PDE4B: variants seen among roughly 807,000 people sequenced by gnomAD.
PDE4B encodes the protein 3',5'-cyclic-AMP phosphodiesterase 4B.
Under a neutral mutation model 82.2 loss-of-function variants are expected in PDE4B, and 20 were observed. The ratio of observed to expected loss-of-function variants is 0.24; its 90% confidence interval spans 0.17 to 0.35. PDE4B has a LOEUF of 0.35. Among genes scored for constraint, PDE4B ranks in the 10% least tolerant of loss-of-function variants. The probability of loss-of-function intolerance (pLI) is 1.00; values close to 1 mark genes in which losing one functional copy is unlikely to be tolerated. For synonymous variants in PDE4B, 320 were observed against 318.9 expected, an observed-to-expected ratio of 1.00 and a Z score of -0.04; for missense variants, 655 against 907.2, an observed-to-expected ratio of 0.72 and a Z score of 3.57.
intron 3 of PDE4B, among the ~76,000 whole-genome samples, chr1:66,052,231 A>C (rs1411890966): frequency 6.6e-6 from 1 of 152,206 alleles, no homozygotes; most frequent in African/African-American, 2.4e-5. Flanking sequence ...ATGTCCGTAA[A>C]GTTTTACTTT....
chr1:66,361,274 T>A (rs1662746228), intron 9 of PDE4B, among the ~76,000 whole-genome samples: 1 of 152,196 alleles, frequency 6.6e-6, no homozygotes, highest in South Asian at 2.1e-4. Context: ...TGTATAAGTG[T>A]GTACTCCTTA....
chr1:66,082,453 C>T (rs1359902367), intron 3 of PDE4B, among the ~76,000 whole-genome samples: 1 of 152,014 alleles, frequency 6.6e-6, no homozygotes. Context: ...TTCCAAGGCC[C>T]ATTCCCATTT....
intron 7 of PDE4B, among the ~76,000 whole-genome samples, chr1:66,329,470 G>A (rs1304671474): frequency 6.6e-6 from 1 of 152,186 alleles, no homozygotes; most frequent in Non-Finnish European, 1.5e-5. Flanking sequence ...TCAACAAGGG[G>A]CCCTGCACTT....
chr1:66,054,708 T>C (rs1273079880), intron 3 of PDE4B, among the ~76,000 whole-genome samples: 1 of 152,222 alleles, frequency 6.6e-6, no homozygotes, highest in Non-Finnish European at 1.5e-5. Context: ...AATGATATCT[T>C]TCTCATGTGT....
intron 1 of PDE4B, among the ~76,000 whole-genome samples, chr1:65,802,835 T>A (rs556477002): frequency 6.6e-6 from 1 of 152,214 alleles, no homozygotes; most frequent in South Asian, 2.1e-4. Flanking sequence ...GTGATAGTAT[T>A]GCTATTAAGG....
chr1:65,877,354 G>A (rs1056364164), intron 1 of PDE4B, among the ~76,000 whole-genome samples: 4 of 152,216 alleles, frequency 2.6e-5, no homozygotes, highest in African/African-American at 4.8e-5. Flanking sequence ...AGTGGCTCAC[G>A]CCTGTAATCC....
At chr1:66,027,189 A>G (rs1248115965) in intron 3 of PDE4B, among the ~76,000 whole-genome samples, 2 of 152,210 alleles carry the variant, frequency 1.3e-5, no homozygotes, top group Admixed American at 6.5e-5. Context: ...GACTTACCAC[A>G]TGGCTGCAGA....
At chr1:65,941,000 C>CT (rs5774777) in intron 3 of PDE4B, among the ~76,000 whole-genome samples, 33,793 of 151,664 alleles carry the variant, frequency 0.22, 4,293 homozygotes, top group East Asian at 0.4. Flanking sequence ...TGATATTTTG[C>CT]TTTTTTTTGC....
chr1:66,283,930 C>T (rs181420320), intron 7 of PDE4B, among the ~76,000 whole-genome samples: 1 of 152,258 alleles, frequency 6.6e-6, no homozygotes, highest in Admixed American at 6.5e-5. Flanking sequence ...TTCTCATTGA[C>T]TCATTCATTC....
chr1:65,818,802 G>T (rs1258499625), intron 1 of PDE4B, among the ~76,000 whole-genome samples: 1 of 151,884 alleles, frequency 6.6e-6, no homozygotes, highest in African/African-American at 2.4e-5. Flanking sequence ...GAAGCTTAGA[G>T]ATATTATATT....
chr1:66,367,142 A>C (rs565750300), intron 13 of PDE4B, among the ~76,000 whole-genome samples: 292 of 152,330 alleles, frequency 1.9e-3, no homozygotes, highest in Non-Finnish European at 2.6e-3. Flanking sequence ...AATTGTTCCC[A>C]AAAAGTAGTA....
chr1:66,099,158 C>T (rs1250923242), intron 3 of PDE4B, among the ~76,000 whole-genome samples: 2 of 151,044 alleles, frequency 1.3e-5, no homozygotes, highest in African/African-American at 4.8e-5. Context: ...GTTGTTCCCC[C>T]GCCCCCGTGT....
chr1:66,164,755 C>CTTTTTTTTTTTTTTTT (rs145224852), intron 3 of PDE4B, among the ~76,000 whole-genome samples: 12 of 87,876 alleles, frequency 1.4e-4, no homozygotes, highest in Non-Finnish European at 2.3e-4. Context: ...CTTTTCTTTT[C>CTTTTTTTTTTTTTTTT]TTTTTTTTTT....
chr1:66,124,808 G>T lies in PDE4B; in HGVS notation c.282-122652G>T, dbSNP rs1645786131. Among the ~76,000 whole-genome samples the T allele has an allele frequency of 3.9e-5, 6 of 152,116 alleles. No individual in the cohort carries two copies. In the South Asian group the frequency reaches 1.0e-3, roughly 26 times the overall value. ...CAATTTACGTTCTCCTTGTGTTTGCGTGGGTTTTCTCCCAGTACTCCAGTT... is the reference window on the plus strand; with the variant it reads ...CAATTTACGTTCTCCTTGTGTTTGCTTGGGTTTTCTCCCAGTACTCCAGTT... On this transcript the variant is annotated intron_variant, in intron 3 of 16. Coordinates refer to ENST00000341517, the MANE Select transcript of PDE4B (RefSeq NM_002600.4).
rs143796145 is a variant in PDE4B at position 66,244,306 on chromosome 1, G to A, written c.282-3154G>A. On this transcript the variant is annotated intron_variant, in intron 3 of 16. Coordinates refer to ENST00000341517, the MANE Select transcript of PDE4B (RefSeq NM_002600.4). ...TGTTGTTCTTTTCTCTATTGTCTAC[G>A]TTTTATATAATATTCTTATATTTCT... Among the ~76,000 whole-genome samples, 557 of 152,074 alleles carry A rather than the reference G, an allele frequency of 3.7e-3. 2 individuals carry two copies. Among genetic ancestry groups the A allele is most frequent in the African/African-American group, 0.013 (539 of 41,454 alleles).
chr1:66,095,620 G>A (rs897815349), intron 3 of PDE4B, among the ~76,000 whole-genome samples: 1 of 151,888 alleles, frequency 6.6e-6, no homozygotes, highest in African/African-American at 2.4e-5. Flanking sequence ...AATAGCCATA[G>A]CCAATTTGCT....
At chr1:65,855,935 G>A (rs547875722) in intron 1 of PDE4B, among the ~76,000 whole-genome samples, 1 of 151,990 alleles carries the variant, frequency 6.6e-6, no homozygotes, top group Non-Finnish European at 1.5e-5. Context: ...CTTTTTCTAG[G>A]TCTGAAAGTG....
intron 7 of PDE4B, among the ~76,000 whole-genome samples, chr1:66,278,461 A>G (rs1448120177): frequency 6.6e-6 from 1 of 152,230 alleles, no homozygotes; most frequent in Non-Finnish European, 1.5e-5. Context: ...CTCTTGGGCT[A>G]TGTGACTATC....
chr1:65,907,914 C>T (rs541958014), intron 1 of PDE4B, among the ~76,000 whole-genome samples: 10 of 152,248 alleles, frequency 6.6e-5, no homozygotes, highest in African/African-American at 2.2e-4. Context: ...AACTATTTCA[C>T]GTTCTGTAAG....
Sources: gnomAD v4.1 joint callset for allele counts (sites outside exome capture counted in the v4.1 genomes callset) on GRCh38, gnomAD v4.1.1 for gene constraint, MANE v1.5 for transcripts, NCBI Gene and HGNC (gene_info 2026-07-23, HGNC 2026-07-21) for gene names.